ERC2: variants seen among roughly 807,000 people sequenced by gnomAD.
ERC2 encodes ELKS/RAB6-interacting/CAST family member 2.
ERC2 carries 42 observed loss-of-function variants against 114.8 expected under a neutral mutation model. The ratio of observed to expected loss-of-function variants is 0.37; its 90% CI spans 0.29 to 0.47. The LOEUF (loss-of-function observed/expected upper bound fraction) is 0.47. ERC2 is among the 20% of genes least tolerant of loss of function. ERC2 has a pLI of 0.99. For synonymous variants in ERC2, 454 were observed against 425.5 expected (o/e 1.07, Z -0.82); for missense variants, 939 against 1,150.7 (o/e 0.82, Z 2.66).
chr3:55,754,178 ATT>A (rs11293885), intron 14 of ERC2, among the ~76,000 whole-genome samples: 23,615 of 150,522 alleles, frequency 0.16, 1,935 homozygotes, highest in Middle Eastern at 0.23. Context: ...TAAGAAAACT[ATT>A]TTTTTTTTTG....
chr3:56,227,351 T>G (rs1311987013), intron 3 of ERC2, among the ~76,000 whole-genome samples: 1 of 151,464 alleles, frequency 6.6e-6, no homozygotes, highest in Non-Finnish European at 1.5e-5. Flanking sequence ...AGGAGCACAC[T>G]GACAGCCTCC....
chr3:55,682,657 TA>T (rs2062115678), intron 17 of ERC2, among the ~76,000 whole-genome samples: 2 of 152,206 alleles, frequency 1.3e-5, no homozygotes, highest in South Asian at 4.1e-4. Context: ...ACATACATGC[TA>T]AGTTATCCCA....
chr3:55,841,060 A>G (rs1425678399), intron 14 of ERC2, among the ~76,000 whole-genome samples: 2 of 152,196 alleles, frequency 1.3e-5, no homozygotes, highest in African/African-American at 4.8e-5. Context: ...ACCTGCATCC[A>G]TATGTCAAAA....
chr3:55,847,855 G>C (rs899025916), intron 14 of ERC2, among the ~76,000 whole-genome samples: 1 of 152,124 alleles, frequency 6.6e-6, no homozygotes, highest in Non-Finnish European at 1.5e-5. Flanking sequence ...CTGGAGTGCG[G>C]TGGTGCGATC....
intron 6 of ERC2, among the ~76,000 whole-genome samples, chr3:56,086,028 G>C (rs1325612775): frequency 3.3e-5 from 5 of 152,144 alleles, no homozygotes; most frequent in African/African-American, 1.2e-4. Flanking sequence ...GTAATCATGA[G>C]AGAGAGAGTC....
chr3:56,162,073 C>A (rs931880428), intron 4 of ERC2, among the ~76,000 whole-genome samples: 3 of 152,006 alleles, frequency 2.0e-5, no homozygotes, highest in Non-Finnish European at 4.4e-5. Context: ...TGCCTAATTT[C>A]TTGAGGGTTT....
At chr3:55,845,133 G>A (rs910936368) in intron 14 of ERC2, among the ~76,000 whole-genome samples, 1 of 152,264 alleles carries the variant, frequency 6.6e-6, no homozygotes, top group African/African-American at 2.4e-5. Context: ...CTCATCTCCT[G>A]CTGTGCAACC....
chr3:55,909,380 G>A (rs767824705), intron 13 of ERC2, among the ~76,000 whole-genome samples: 1 of 152,196 alleles, frequency 6.6e-6, no homozygotes, highest in Non-Finnish European at 1.5e-5. Flanking sequence ...TTGATACAGA[G>A]GAGAGATAAA....
At chr3:55,905,103 CAG>C (rs1182713308) in intron 13 of ERC2, among the ~76,000 whole-genome samples, 2 of 152,156 alleles carry the variant, frequency 1.3e-5, no homozygotes, top group African/African-American at 4.8e-5. Context: ...CTTTTTGAGA[CAG>C]AGTCTCACTC....
chr3:55,547,640 A>G (rs1341877911), intron 17 of ERC2, among the ~76,000 whole-genome samples: 1 of 152,204 alleles, frequency 6.6e-6, no homozygotes, highest in Non-Finnish European at 1.5e-5. Context: ...GTCCCCAGGA[A>G]GTCTCAGAGA....
At chr3:56,162,356 T>C (rs371753362) in intron 4 of ERC2, among the ~76,000 whole-genome samples, 3 of 152,110 alleles carry the variant, frequency 2.0e-5, no homozygotes, top group South Asian at 4.1e-4. Flanking sequence ...TCTTGTGTCT[T>C]TGCCAGGTTT....
chr3:55,568,414 G>A (rs1365533512), intron 17 of ERC2, among the ~76,000 whole-genome samples: 4 of 152,260 alleles, frequency 2.6e-5, no homozygotes, highest in Admixed American at 2.6e-4. Flanking sequence ...CCTGAGCTCC[G>A]GAACATCATC....
intron 6 of ERC2, among the ~76,000 whole-genome samples, chr3:56,084,092 C>T (rs898215702): frequency 6.6e-6 from 1 of 151,576 alleles, no homozygotes; most frequent in Non-Finnish European, 1.5e-5. Context: ...TATACAAATA[C>T]CCAAAAAACA....
Position 56,018,996 on chromosome 3 carries a change from G to T in ERC2, c.1677C>A (p.Asp559Glu), listed in dbSNP as rs2073519733. Residue 559 changes from aspartate (D) to glutamate (E), a missense_variant, in exon 8 of 18, where the codon GAC (aspartate) becomes GAA (glutamate). Coordinates refer to ENST00000288221, the MANE Select transcript of ERC2 (RefSeq NM_015576.3). The part of the protein sequence containing the change: ...ENLQEQLRDK[D>E]KQLTNLKDRV... ...TGTCTTTCAGGTTGGTCAGTTGCTT[G>T]TCTTTATCCCTAAGTTGTTCTTGCA... 18 of 1,612,682 alleles carry T rather than the reference G, an allele frequency of 1.1e-5. No homozygotes were observed. The highest frequency in any genetic ancestry group is 1.5e-5 in the Non-Finnish European group (18 of 1,179,228).
Position 56,337,598 on chromosome 3 carries a change from C to T in ERC2, c.658-41163G>A, listed in dbSNP as rs2150479929. Among the ~76,000 whole-genome samples, 3 of 152,312 alleles carry T rather than the reference C, an allele frequency of 2.0e-5. No individual in the cohort carries two copies. The East Asian group carries it at 5.8e-4, about 29-fold the overall frequency. ...TTATGATTATTATCCATCTGTGGTT[C>T]CCACAATGCCACCAAAATTGGGGAT... On this transcript the variant is annotated intron_variant, in intron 2 of 17. Coordinates refer to ENST00000288221, the MANE Select transcript of ERC2 (RefSeq NM_015576.3).
At chr3:55,996,463 T>G (rs933248045) in intron 10 of ERC2, among the ~76,000 whole-genome samples, 1 of 152,132 alleles carries the variant, frequency 6.6e-6, no homozygotes, top group African/African-American at 2.4e-5. Context: ...TAAAGGCAAA[T>G]CCAGGTATCC....
intron 14 of ERC2, among the ~76,000 whole-genome samples, chr3:55,873,926 G>A (rs952412036): frequency 2.0e-5 from 3 of 152,306 alleles, no homozygotes; most frequent in African/African-American, 7.2e-5. Flanking sequence ...ACATTAGACT[G>A]TTAACTAGGT....
chr3:55,677,010 A>G (rs184657579), intron 17 of ERC2, among the ~76,000 whole-genome samples: 3 of 152,184 alleles, frequency 2.0e-5, no homozygotes, highest in East Asian at 1.9e-4. Flanking sequence ...ACAAGAACTT[A>G]TTTACTGCCC....
At chr3:56,382,485 T>C (rs1175329311) in intron 2 of ERC2, among the ~76,000 whole-genome samples, 1 of 152,124 alleles carries the variant, frequency 6.6e-6, no homozygotes, top group Non-Finnish European at 1.5e-5. Context: ...CCAAAATAGC[T>C]CTTAGCAATA....
Sources: gnomAD v4.1 joint callset for allele counts (sites outside exome capture counted in the v4.1 genomes callset) on GRCh38, gnomAD v4.1.1 for gene constraint, MANE v1.5 for transcripts, NCBI Gene and HGNC (gene_info 2026-07-23, HGNC 2026-07-21) for gene names.